FGD4: variants seen among roughly 807,000 people sequenced by gnomAD.
The protein encoded by FGD4 is FYVE, RhoGEF and PH domain-containing protein 4.
FGD4 carries 42 observed loss-of-function variants against 102.0 expected under a neutral mutation model. The observed-to-expected ratio is 0.41, with a 90% CI of 0.32 to 0.53. FGD4 has a LOEUF of 0.53. FGD4 is among the 20% of genes least tolerant of loss of function. The pLI is 0.21. For synonymous variants in FGD4, 380 were observed against 375.7 expected (o/e 1.01, Z -0.13); for missense variants, 902 against 1,078.2 (o/e 0.84, Z 2.29).
At chr12:32,426,364 G>A (rs142823571) in intron 1 of FGD4, among the ~76,000 whole-genome samples, 88 of 152,200 alleles carry the variant, frequency 5.8e-4, no homozygotes, top group Non-Finnish European at 1.1e-3. Context: ...GATGGATTAC[G>A]TTTATTGATT....
intron 1 of FGD4, among the ~76,000 whole-genome samples, chr12:32,424,682 C>G (rs1336009384): frequency 6.6e-6 from 1 of 152,170 alleles, no homozygotes; most frequent in Non-Finnish European, 1.5e-5. Flanking sequence ...TTTACACTCC[C>G]ACCAACAGTG....
At chr12:32,624,115 T>C (rs2136929190) in intron 11 of FGD4, among the ~76,000 whole-genome samples, 1 of 152,294 alleles carries the variant, frequency 6.6e-6, no homozygotes, top group South Asian at 2.1e-4. Context: ...GTATATTCAG[T>C]GTAATGCTAT....
intron 4 of FGD4, among the ~76,000 whole-genome samples, chr12:32,597,448 T>G (rs766786930): frequency 6.6e-6 from 1 of 151,828 alleles, no homozygotes; most frequent in Non-Finnish European, 1.5e-5. Flanking sequence ...AAATTAGGAG[T>G]TAATAGTAGG....
chr12:32,598,997 T>C (rs1002800292), intron 5 of FGD4, among the ~76,000 whole-genome samples: 4 of 152,200 alleles, frequency 2.6e-5, no homozygotes, highest in African/African-American at 7.2e-5. Flanking sequence ...TGATCTGAGC[T>C]GGTGTAGTCA....
chr12:32,549,020 A>C (rs1177053789), intron 1 of FGD4, among the ~76,000 whole-genome samples: 2 of 152,238 alleles, frequency 1.3e-5, no homozygotes, highest in Non-Finnish European at 2.9e-5. Flanking sequence ...CTTTTCCCAA[A>C]ACATGTTCCA....
intron 1 of FGD4, among the ~76,000 whole-genome samples, chr12:32,403,719 C>G (rs1018281720): frequency 6.6e-6 from 1 of 151,832 alleles, no homozygotes; most frequent in Non-Finnish European, 1.5e-5. Flanking sequence ...GCCTCAGCCT[C>G]CCTAGTAGCT....
chr12:32,525,018 A>G (rs1455460893), intron 1 of FGD4, among the ~76,000 whole-genome samples: 1 of 152,250 alleles, frequency 6.6e-6, no homozygotes, highest in Non-Finnish European at 1.5e-5. Flanking sequence ...TTTAAAGAAC[A>G]AGAGCAAAAC....
intron 1 of FGD4, among the ~76,000 whole-genome samples, chr12:32,455,504 T>A (rs1262758437): frequency 6.6e-6 from 1 of 152,122 alleles, no homozygotes; most frequent in Non-Finnish European, 1.5e-5. Context: ...CAAGGTTGGA[T>A]CATTTGCAGT....
intron 11 of FGD4, 125 bp downstream of exon 11, chr12:32,619,995 G>A (rs1949705038): frequency 3.5e-6 from 4 of 1,143,012 alleles, no homozygotes; most frequent in Admixed American, 1.9e-5. Flanking sequence ...CTGGTTGGAT[G>A]TAAATGCAGA....
intron 1 of FGD4, among the ~76,000 whole-genome samples, chr12:32,470,454 T>C (rs79264311): frequency 1.5e-4 from 20 of 129,140 alleles, no homozygotes; most frequent in South Asian, 2.6e-4. Context: ...AGTTTTCTTT[T>C]TTCTTTTTCT....
At position 32,399,665 on chromosome 12, in the gene FGD4, G is replaced by C; in HGVS notation, c.-129G>C. The C allele has an allele frequency of 7.0e-7, 1 of 1,431,140 alleles. No homozygotes were observed. Among genetic ancestry groups the C allele is most frequent in the East Asian group, 2.8e-5 (1 of 35,998 alleles). The allele number at this position is 1,431,140 out of a possible 1,614,324, so 88.7% of individuals were successfully genotyped here. On this transcript the variant is annotated 5_prime_UTR_variant, in exon 1 of 17. Transcript: ENST00000534526. ...GAGAGGGAGAGGAGGCACTCGCTGA[G>C]GAGACGCCGCAGTAGAGGGCGCCCC...
chr12:32,502,388 G>T lies in FGD4; in HGVS notation c.167-61749G>T, dbSNP rs1283669965. The T allele has an allele frequency of 3.1e-6, 3 of 966,968 alleles. No homozygotes were observed. The East Asian group carries it at 3.4e-4, about 110-fold the overall frequency. The allele number at this position is 966,968 out of a possible 1,614,324, so 59.9% of individuals were successfully genotyped here. ...CCAGTTTGTAGTACGTTTGTGTGGGGGCATTATCTCCATGTGGTCCAAGGA... is the reference window on the plus strand; with the variant it reads ...CCAGTTTGTAGTACGTTTGTGTGGGTGCATTATCTCCATGTGGTCCAAGGA... On this transcript the variant is annotated intron_variant, in intron 1 of 16. Transcript: ENST00000534526.
intron 2 of FGD4, among the ~76,000 whole-genome samples, chr12:32,568,934 C>T (rs2102043): frequency 0.25 from 38,481 of 151,936 alleles, 6,069 homozygotes; most frequent in African/African-American, 0.44. Context: ...ATCTTATTTA[C>T]AGTCTGATAG....
chr12:32,480,734 C>T (rs1374164473), intron 1 of FGD4, among the ~76,000 whole-genome samples: 1 of 150,756 alleles, frequency 6.6e-6, no homozygotes, highest in Non-Finnish European at 1.5e-5. Context: ...CTCCTGACCT[C>T]GTGATCCGCC....
At chr12:32,478,753 C>T (rs1337200040) in intron 1 of FGD4, among the ~76,000 whole-genome samples, 2 of 152,058 alleles carry the variant, frequency 1.3e-5, no homozygotes, top group Non-Finnish European at 1.5e-5. Context: ...TTTAATCTTC[C>T]GTCCTCCTCA....
intron 11 of FGD4, among the ~76,000 whole-genome samples, chr12:32,623,704 G>C (rs763792423): frequency 2.6e-5 from 4 of 152,120 alleles, no homozygotes; most frequent in Non-Finnish European, 4.4e-5. Flanking sequence ...TTTCAAATGT[G>C]GTATGTGACA....
At chr12:32,453,219 TAATATAG>T (rs1384781728) in intron 1 of FGD4, among the ~76,000 whole-genome samples, 26,540 of 109,196 alleles carry the variant, frequency 0.24, 3,464 homozygotes, top group East Asian at 0.39. Context: ...TATATATATA[TAATATAG>T]ATATATATAT....
intron 1 of FGD4, among the ~76,000 whole-genome samples, chr12:32,495,271 A>G (rs910404183): frequency 1.3e-5 from 2 of 152,190 alleles, no homozygotes; most frequent in African/African-American, 2.4e-5. Context: ...CACATACTCT[A>G]CCTAGCCCAG....
At chr12:32,483,037 G>T (rs577656181) in intron 1 of FGD4, among the ~76,000 whole-genome samples, 1 of 152,172 alleles carries the variant, frequency 6.6e-6, no homozygotes, top group African/African-American at 2.4e-5. Flanking sequence ...TCAAGATACG[G>T]AATATAATGA....
Sources: allele counts gnomAD v4.1 joint callset (sites outside exome capture counted in the v4.1 genomes callset), GRCh38; gene constraint gnomAD v4.1.1; transcripts MANE v1.5; gene names NCBI Gene and HGNC (gene_info 2026-07-23, HGNC 2026-07-21).